The following SOX5 variants were observed in gnomAD, a reference collection of about 807,000 sequenced individuals.
SOX5 encodes the protein transcription factor SOX-5.
Under a neutral mutation model 92.0 loss-of-function variants are expected in SOX5, and 9 were observed. That is an observed-to-expected ratio of 0.10 (90% CI 0.06 to 0.17). SOX5 has a LOEUF of 0.17. Ranked by LOEUF, SOX5 falls within the 10% of genes least tolerant of loss-of-function variation. SOX5 has a pLI of 1.00. For missense variants in SOX5, 642 were observed against 944.5 expected (o/e 0.68, Z 4.20); for synonymous variants, 344 against 336.3 (o/e 1.02, Z -0.25).
At chr12:24,561,378 G>A (rs1954321734) in intron 1 of SOX5, among the ~76,000 whole-genome samples, 1 of 152,200 alleles carries the variant, frequency 6.6e-6, no homozygotes, top group Non-Finnish European at 1.5e-5. Context: ...TATTAATATA[G>A]TCGCTTTGCA....
chr12:24,387,378 C>A (rs141805845), intron 1 of SOX5, among the ~76,000 whole-genome samples: 10 of 152,294 alleles, frequency 6.6e-5, no homozygotes, highest in Admixed American at 1.3e-4. Context: ...TAAAGCTCAT[C>A]ATCTATCGTT....
chr12:24,260,725 CTT>C lies in SOX5; in HGVS notation c.-77+16489_-77+16490del, dbSNP rs575273448. Among the ~76,000 whole-genome samples, 148 of 152,246 alleles carry C rather than the reference CTT, an allele frequency of 9.7e-4. 1 individual carries two copies. The highest frequency in any genetic ancestry group is 3.4e-3 in the Middle Eastern group (1 of 292). On this transcript the variant is annotated intron_variant, in intron 3 of 4. Coordinates refer to the SOX5 transcript ENST00000446891. ...GTTGGATCACATGTCTCTTAGCTCT[CTT>C]CTTCTTCTAAAGTGCTGAAATTCTA...
At chr12:24,075,213 G>A (rs563413292) in intron 4 of SOX5, among the ~76,000 whole-genome samples, 1 of 145,798 alleles carries the variant, frequency 6.9e-6, no homozygotes, top group South Asian at 2.2e-4. Flanking sequence ...AGGCTTCAGT[G>A]AGCTATGATA....
chr12:24,404,510 C>G (rs1962476815), intron 1 of SOX5, among the ~76,000 whole-genome samples: 1 of 152,154 alleles, frequency 6.6e-6, no homozygotes, highest in South Asian at 2.1e-4. Flanking sequence ...GTTCTGAGTT[C>G]ATGTGATGGC....
intron 13 of SOX5, among the ~76,000 whole-genome samples, chr12:23,542,053 T>C (rs1251389189): frequency 6.6e-6 from 1 of 151,588 alleles, no homozygotes; most frequent in Non-Finnish European, 1.5e-5. Context: ...GAGGTTGCAG[T>C]GAGCCGAGAT....
intron 4 of SOX5, among the ~76,000 whole-genome samples, chr12:24,168,982 AATAAG>A (rs974094164): frequency 6.6e-6 from 1 of 152,192 alleles, no homozygotes; most frequent in African/African-American, 2.4e-5. Flanking sequence ...AAAAAATAAT[AATAAG>A]ATAGGGTAGG....
chr12:23,892,920 T>C (rs929021072), intron 2 of SOX5, among the ~76,000 whole-genome samples: 3 of 152,192 alleles, frequency 2.0e-5, no homozygotes, highest in African/African-American at 4.8e-5. Flanking sequence ...TAAGAAACTC[T>C]TGCTTTAGAG....
chr12:24,345,299 A>G (rs554038754), intron 2 of SOX5, among the ~76,000 whole-genome samples: 2 of 152,342 alleles, frequency 1.3e-5, no homozygotes, highest in African/African-American at 2.4e-5. Flanking sequence ...GTTCCCAGGC[A>G]TTTCACTTTC....
At chr12:23,700,766 A>T (rs2090511586) in intron 6 of SOX5, among the ~76,000 whole-genome samples, 1 of 152,126 alleles carries the variant, frequency 6.6e-6, no homozygotes, top group African/African-American at 2.4e-5. Context: ...CAAATAAAAA[A>T]GTATGAAACT....
chr12:23,635,155 G>A (rs914835564), intron 8 of SOX5, among the ~76,000 whole-genome samples: 1 of 152,132 alleles, frequency 6.6e-6, no homozygotes, highest in Non-Finnish European at 1.5e-5. Flanking sequence ...AGTCTTCCCT[G>A]AAAAAAGTGA....
At chr12:23,863,790 C>T (rs1050841015) in intron 2 of SOX5, among the ~76,000 whole-genome samples, 6 of 131,506 alleles carry the variant, frequency 4.6e-5, no homozygotes, top group Admixed American at 2.4e-4. Flanking sequence ...ATTTTAAACA[C>T]ACTACACACA....
intron 4 of SOX5, among the ~76,000 whole-genome samples, chr12:23,959,625 T>C (rs1946669100): frequency 6.6e-6 from 1 of 151,886 alleles, no homozygotes; most frequent in South Asian, 2.1e-4. Flanking sequence ...AAGACAACAA[T>C]GACGATATCT....
At chr12:23,683,020 A>G (rs2086884121) in intron 6 of SOX5, among the ~76,000 whole-genome samples, 1 of 151,910 alleles carries the variant, frequency 6.6e-6, no homozygotes, top group Admixed American at 6.6e-5. Flanking sequence ...AATGTATATT[A>G]AAACCACATT....
intron 3 of SOX5, among the ~76,000 whole-genome samples, chr12:23,802,536 T>C (rs998421355): frequency 1.3e-5 from 2 of 152,122 alleles, no homozygotes; most frequent in African/African-American, 2.4e-5. Context: ...ATCCCAAAAT[T>C]TGACACATTT....
At chr12:23,853,233 C>T (rs1001383042) in intron 2 of SOX5, among the ~76,000 whole-genome samples, 5 of 150,734 alleles carry the variant, frequency 3.3e-5, no homozygotes, top group Admixed American at 2.7e-4. Flanking sequence ...GTCCTACTAA[C>T]TATATAGATT....
At chr12:23,984,587 G>T (rs549193174) in intron 4 of SOX5, among the ~76,000 whole-genome samples, 8 of 152,270 alleles carry the variant, frequency 5.3e-5, no homozygotes, top group African/African-American at 1.9e-4. Context: ...GTGAAGTAGT[G>T]AAGAGAGACA....
chr12:23,532,105 T>C lies in SOX5; in HGVS notation c.*2114A>G, dbSNP rs1216584794. ...TGGGAACAGCTGACCATTATTATTA[T>C]TATTACTATTATTATTATTATTTTA... On this transcript the variant is annotated 3_prime_UTR_variant, in exon 15 of 15. Transcript: ENST00000451604. 6.6e-6 allele frequency: 1 copy of C among 151,114 alleles called. No individual in the cohort carries two copies. Among genetic ancestry groups the C allele is most frequent in the Non-Finnish European group, 1.5e-5 (1 of 67,804 alleles). 9.4% of individuals were successfully genotyped at this position (151,114 alleles called of 1,614,324 possible).
At chr12:24,421,144 ATAT>A (rs1179578547) in intron 1 of SOX5, among the ~76,000 whole-genome samples, 2 of 152,210 alleles carry the variant, frequency 1.3e-5, no homozygotes, top group Non-Finnish European at 2.9e-5. Context: ...GAAAGTTCAG[ATAT>A]TATTTCTAGA....
intron 1 of SOX5, among the ~76,000 whole-genome samples, chr12:23,897,773 G>T (rs894612072): frequency 6.6e-6 from 1 of 152,120 alleles, no homozygotes; most frequent in Non-Finnish European, 1.5e-5. Context: ...AATAGCAAGT[G>T]TTCAAAACAA....
Sources: gnomAD v4.1 joint callset for allele counts (sites outside exome capture counted in the v4.1 genomes callset) on GRCh38, gnomAD v4.1.1 for gene constraint, MANE v1.5 for transcripts, NCBI Gene and HGNC (gene_info 2026-07-23, HGNC 2026-07-21) for gene names.